SUPT6H: variants seen among roughly 807,000 people sequenced by gnomAD.
The protein encoded by SUPT6H is SPT6 homolog, histone chaperone and transcription elongation factor.
SUPT6H carries 11 observed loss-of-function variants against 222.3 expected under a neutral mutation model. The observed-to-expected ratio is 0.05, with a 90% CI of 0.03 to 0.08. The LOEUF (loss-of-function observed/expected upper bound fraction) is 0.08. SUPT6H is among the 10% of genes least tolerant of loss of function. The pLI is 1.00. For synonymous variants in SUPT6H, 762 were observed against 801.2 expected, an observed-to-expected ratio of 0.95 and a Z score of 0.83; for missense variants, 1,422 against 2,216.0, an observed-to-expected ratio of 0.64 and a Z score of 7.19.
chr17:28,678,512 C>G, intron 9 of SUPT6H, 33 bp from the exon 10 acceptor site: 1 of 1,599,790 alleles, frequency 6.3e-7, no homozygotes, highest in South Asian at 1.1e-5. Context: ...AATCTGTCTT[C>G]TCTGAGTGAC....
At position 28,678,091 on chromosome 17, in the gene SUPT6H, C is replaced by T. The variant is rs756089873; in HGVS notation, c.1015C>T (p.Leu339=). 4 of 1,613,314 alleles carry T rather than the reference C, an allele frequency of 2.5e-6. No individual in the cohort carries two copies. Among genetic ancestry groups the T allele is most frequent in the East Asian group, 4.5e-5 (2 of 44,878 alleles). Residue 339 remains leucine, a synonymous_variant, in exon 9 of 37, where the codon CTA becomes TTA. Transcript: ENST00000314616. ...TISLQESCDY[L]DRGQPASSFS... ...CCTACTGTAGGAAAGCTGTGATTAC[C>T]TAGACCGAGGGCAGCCAGCCAGCAG... is the stretch of plus-strand genomic sequence containing the variant.
At chr17:28,693,652 C>A in intron 27 of SUPT6H, 44 bp from the exon 28 acceptor site, 1 of 1,611,938 alleles carries the variant, frequency 6.2e-7, no homozygotes, top group Non-Finnish European at 8.5e-7. Flanking sequence ...TGAGCGATCT[C>A]CAGAATATTG....
intron 1 of SUPT6H, chr17:28,672,841 T>C (rs1187200111): frequency 6.6e-6 from 1 of 152,140 alleles, no homozygotes; most frequent in Non-Finnish European, 1.5e-5. Context: ...TAGCCTGGCT[T>C]TTGCCTTCTT....
At chr17:28,694,379 A>G (rs1242833279) in intron 28 of SUPT6H, among the ~76,000 whole-genome samples, 2 of 152,226 alleles carry the variant, frequency 1.3e-5, no homozygotes, top group African/African-American at 4.8e-5. Context: ...CAGCACTGAC[A>G]TCGACATATG....
intron 27 of SUPT6H, 25 bp from the exon 28 acceptor site, chr17:28,693,671 G>T: frequency 6.2e-7 from 1 of 1,613,842 alleles, no homozygotes; most frequent in East Asian, 2.2e-5. Context: ...TGATAATCAA[G>T]CTCTTCTCCT....
chr17:28,696,709 G>A, intron 29 of SUPT6H, 135 bp from the exon 30 acceptor site: 1 of 778,470 alleles, frequency 1.3e-6, no homozygotes, highest in Non-Finnish European at 2.2e-6. Flanking sequence ...GTCATGATTT[G>A]CCACTGGCAC....
rs975816866 is a variant in SUPT6H at position 28,700,541 on chromosome 17, T to G, written c.4806+29T>G. ...TGTGGCTTGGGGAGGAAGCTCCCTG[T>G]GCAGGGTGGGGCCCATAGACTGCCC... is the stretch of plus-strand genomic sequence containing the variant. On this transcript the variant is annotated intron_variant, in intron 35 of 36. Coordinates refer to ENST00000314616, the MANE Select transcript of SUPT6H (RefSeq NM_003170.5). 4 of 1,606,284 alleles carry G rather than the reference T, an allele frequency of 2.5e-6. No homozygotes were observed. The African/African-American group carries it at 5.3e-5, about 21-fold the overall frequency.
At chr17:28,695,167 C>A in intron 28 of SUPT6H, 185 bp from the exon 29 acceptor site, 1 of 610,662 alleles carries the variant, frequency 1.6e-6, no homozygotes, top group East Asian at 2.8e-5. Flanking sequence ...CAGGGCTTGG[C>A]CTGTAGTCTA....
intron 24 of SUPT6H, chr17:28,689,048 T>G: frequency 3.8e-6 from 1 of 265,156 alleles, no homozygotes; most frequent in Non-Finnish European, 7.2e-6. Context: ...CCATAACAAT[T>G]TTATGTATAC....
At chr17:28,699,385 C>T (rs1348444870) in intron 32 of SUPT6H, among the ~76,000 whole-genome samples, 1 of 152,198 alleles carries the variant, frequency 6.6e-6, no homozygotes, top group Non-Finnish European at 1.5e-5. Flanking sequence ...GGCAGACTAC[C>T]ACCTTCCACA....
In SUPT6H at chr17:28,691,398, C is replaced by T. The variant is rs546818854; in HGVS notation, c.3633+335C>T. 1.2e-4 allele frequency: 28 copies of T among 232,590 alleles called. No individual in the cohort carries two copies. In the East Asian group the frequency reaches 2.3e-3, roughly 19 times the overall value. 14.4% of individuals were successfully genotyped at this position (232,590 alleles called of 1,614,324 possible). ...AAAATTAGCCAGTTGTGGTGGCATA[C>T]GCCTGTAATCCTAGCTACTCGAGAG... On this transcript the variant is annotated intron_variant, in intron 27 of 36. Transcript: ENST00000314616.
At chr17:28,669,378 G>A (rs1017338747) in intron 1 of SUPT6H, among the ~76,000 whole-genome samples, 5 of 152,136 alleles carry the variant, frequency 3.3e-5, no homozygotes, top group African/African-American at 1.2e-4. Flanking sequence ...TTTAGTGGAG[G>A]CAGAGTTTCA....
At chr17:28,691,260 C>A in intron 27 of SUPT6H, 197 bp downstream of exon 27, 2 of 705,092 alleles carry the variant, frequency 2.8e-6, no homozygotes, top group Non-Finnish European at 4.5e-6. Context: ...GGCACGGTGG[C>A]TCACGCCTAT....
At chr17:28,697,349 A>G (rs1567705252) in intron 30 of SUPT6H, among the ~76,000 whole-genome samples, 2 of 152,220 alleles carry the variant, frequency 1.3e-5, no homozygotes, top group Admixed American at 1.3e-4. Flanking sequence ...GCACACACAT[A>G]TATCAAGTTT....
In SUPT6H at chr17:28,695,546, C is replaced by T. The variant is rs1243959171; in HGVS notation, c.3969C>T (p.Thr1323=). 7 of 1,612,474 alleles carry T rather than the reference C, an allele frequency of 4.3e-6. No individual in the cohort carries two copies. In the East Asian group the frequency reaches 8.9e-5, roughly 21 times the overall value. ...EEDMKRKQQR[T]TYIKRVIAHP... Reference sequence around the variant, plus strand: ...ACATGAAGCGGAAGCAGCAGCGGACCAGTGAGTGTGCCTCCCACCATCTCT... The same window carrying T: ...ACATGAAGCGGAAGCAGCAGCGGACTAGTGAGTGTGCCTCCCACCATCTCT... The change falls in exon 29 of 37, where the codon ACC becomes ACT. Residue 1323 remains threonine (T), a splice_region_variant and synonymous_variant. Coordinates refer to ENST00000314616, the MANE Select transcript of SUPT6H (RefSeq NM_003170.5).
intron 12 of SUPT6H, 101 bp downstream of exon 12, chr17:28,681,505 T>G: frequency 7.0e-7 from 1 of 1,420,088 alleles, no homozygotes; most frequent in Non-Finnish European, 9.4e-7. Flanking sequence ...GTGGATCACC[T>G]GAGGTCAGGA....
chr17:28,686,966 G>A (rs972449942), intron 21 of SUPT6H, 122 bp from the exon 22 acceptor site: 32 of 1,501,688 alleles, frequency 2.1e-5, no homozygotes, highest in Non-Finnish European at 2.7e-5. Flanking sequence ...AATTAAATCG[G>A]TCTCAGGAAA....
chr17:28,678,054 T>G (rs1450931413), intron 8 of SUPT6H, 22 bp from the exon 9 acceptor site: 9 of 1,601,016 alleles, frequency 5.6e-6, no homozygotes, highest in Non-Finnish European at 7.7e-6. Flanking sequence ...TGTCTTGCTA[T>G]TTCTTTATTT....
At chr17:28,695,011 GA>G in intron 28 of SUPT6H, 1 of 238,720 alleles carries the variant, frequency 4.2e-6, no homozygotes, top group Admixed American at 5.1e-5. Flanking sequence ...AAAAAAAAAG[GA>G]GGGGGGGTGT....
Sources: allele counts gnomAD v4.1 joint callset (sites outside exome capture counted in the v4.1 genomes callset), GRCh38; gene constraint gnomAD v4.1.1; transcripts MANE v1.5; gene names NCBI Gene and HGNC (gene_info 2026-07-23, HGNC 2026-07-21).